Variants in SVIL observed in about 807,000 individuals in gnomAD.
SVIL encodes archvillin.
A neutral mutation model predicts 240.4 loss-of-function variants in SVIL; 101 were observed. The observed-to-expected ratio is 0.42, with a 90% confidence interval of 0.36 to 0.50. The LOEUF (loss-of-function observed/expected upper bound fraction) is 0.50, where lower values mean the gene tolerates loss of function less well. Ranked by LOEUF, SVIL falls within the 20% of genes least tolerant of loss-of-function variation. SVIL has a pLI of 0.01. For missense variants in SVIL, 2,512 were observed against 2,818.7 expected, an observed-to-expected ratio of 0.89 and a Z score of 2.46; for synonymous variants, 999 against 1,100.0, an observed-to-expected ratio of 0.91 and a Z score of 1.82.
At chr10:29,577,817 A>T (rs1191214031) in intron 1 of SVIL, among the ~76,000 whole-genome samples, 1 of 152,224 alleles carries the variant, frequency 6.6e-6, no homozygotes, top group Non-Finnish European at 1.5e-5. Flanking sequence ...AATCAATCCC[A>T]TTCATAATTG....
intron 2 of SVIL, among the ~76,000 whole-genome samples, chr10:29,678,086 C>T (rs376796982): frequency 1.8e-4 from 28 of 152,238 alleles, no homozygotes; most frequent in African/African-American, 6.7e-4. Flanking sequence ...GCCTTTTTGG[C>T]ACTGGGGACC....
chr10:29,466,961 T>C (rs1945002880), intron 33 of SVIL, among the ~76,000 whole-genome samples: 1 of 152,198 alleles, frequency 6.6e-6, no homozygotes, highest in African/African-American at 2.4e-5. Context: ...GGATACTCCA[T>C]TGCTGCCCAG....
intron 17 of SVIL, among the ~76,000 whole-genome samples, chr10:29,512,160 T>C (rs973738670): frequency 1.4e-4 from 21 of 152,232 alleles, no homozygotes; most frequent in Non-Finnish European, 2.9e-4. Context: ...CATCAATACT[T>C]TCGCATATGA....
chr10:29,457,417 C>CTGTT lies in SVIL; in HGVS notation c.*826_*829dup, dbSNP rs10634956. 0.27 allele frequency: 40,932 copies of CTGTT among 151,922 alleles called. 5,918 individuals are homozygous for CTGTT. The highest frequency in any genetic ancestry group is 0.54 in the East Asian group (2,751 of 5,134). 9.4% of individuals were successfully genotyped at this position (151,922 alleles called of 1,614,324 possible). A position where few individuals can be genotyped will look rare whatever the true frequency, so the allele number is the denominator to read the frequency against. ...CCTATATCACAAAATGACATGTGTA[C>CTGTT]TGTTTACAACCGGTATTAGAAATTG... On this transcript the variant is annotated 3_prime_UTR_variant, in exon 38 of 38. Coordinates refer to ENST00000355867, the MANE Select transcript of SVIL (RefSeq NM_021738.3).
upstream of SVIL, among the ~76,000 whole-genome samples, chr10:29,637,916 A>G (rs570684934): frequency 5.4e-4 from 82 of 152,200 alleles, 1 homozygote; most frequent in Non-Finnish European, 4.3e-4. Flanking sequence ...AGATGACAAC[A>G]TTATAGAAAT....
chr10:29,499,037 C>T, intron 18 of SVIL, 79 bp downstream of exon 18: 1 of 1,533,950 alleles, frequency 6.5e-7, no homozygotes, highest in South Asian at 1.2e-5. Flanking sequence ...TATCACGTAC[C>T]ACCATGCCCT....
chr10:29,532,444 A>T, intron 8 of SVIL, 85 bp downstream of exon 8: 1 of 1,506,168 alleles, frequency 6.6e-7, no homozygotes, highest in Non-Finnish European at 8.9e-7. Flanking sequence ...GATTCAATGC[A>T]GAACACAACA....
At chr10:29,511,433 C>T (rs1379971074) in intron 17 of SVIL, among the ~76,000 whole-genome samples, 9 of 144,708 alleles carry the variant, frequency 6.2e-5, no homozygotes, top group South Asian at 2.2e-4. Context: ...AGGGGCCAGG[C>T]GCTGCTTGGT....
intron 17 of SVIL, among the ~76,000 whole-genome samples, chr10:29,501,300 G>A (rs28607243): frequency 0.39 from 59,039 of 150,162 alleles, 11,937 homozygotes; most frequent in African/African-American, 0.41. Context: ...CCTCCTCTTG[G>A]CCACCATATT....
In SVIL at chr10:29,536,138, T is replaced by C. The variant is rs111406829; in HGVS notation, c.828-69A>G. On this transcript the variant is annotated intron_variant, in intron 6 of 37. Transcript: ENST00000355867. ...GTCAACATATACACAGACTTTACCATAACTTAAAACCTAAAGGCTGATTTT... is the reference window on the plus strand; with the variant it reads ...GTCAACATATACACAGACTTTACCACAACTTAAAACCTAAAGGCTGATTTT... 3.6e-4 allele frequency: 527 copies of C among 1,465,064 alleles called. 3 individuals are homozygous for C. In the African/African-American group the frequency reaches 6.0e-3, roughly 17 times the overall value. The allele number at this position is 1,465,064 out of a possible 1,614,324, so 90.8% of individuals were successfully genotyped here. A position where few individuals can be genotyped will look rare whatever the true frequency, so the allele number is the denominator to read the frequency against.
intron 18 of SVIL, 122 bp downstream of exon 18, chr10:29,498,994 A>T: frequency 7.1e-7 from 1 of 1,404,328 alleles, no homozygotes; most frequent in Non-Finnish European, 9.5e-7. Context: ...GAAAAAACTT[A>T]AAAAGACCAT....
At chr10:29,526,305 C>CTTTTTTTTTTTTTTTTTTTTTTTTTTTTT (rs36004446) in intron 13 of SVIL, among the ~76,000 whole-genome samples, 3 of 115,026 alleles carry the variant, frequency 2.6e-5, no homozygotes, top group Non-Finnish European at 5.2e-5. Context: ...TTTTCTCTTT[C>CTTTTTTTTTTTTTTTTTTTTTTTTTTTTT]TTTTTTTTTT....
Position 29,490,895 on chromosome 10 carries a change from T to G in SVIL, c.4144A>C (p.Arg1382=). 6.2e-7 allele frequency: 1 copy of G among 1,613,996 alleles called. No individual in the cohort carries two copies. Among genetic ancestry groups the G allele is most frequent in the Non-Finnish European group, 8.5e-7 (1 of 1,179,876 alleles). The change falls in exon 22 of 38, where the codon AGA becomes CGA. Residue 1382 remains arginine, a synonymous_variant. Transcript: ENST00000355867. ...EDLLQEYTEQ[R]LNVAFMESKR... is the part of the protein sequence containing the mutation. The stretch of plus-strand genomic sequence containing the variant: ...GACTCCATGAAGGCAACGTTTAATC[T>G]CTGCTCAGTGTATTCCTGAAGGAGA...
At chr10:29,611,599 C>T (rs1469329058) in intron 1 of SVIL, among the ~76,000 whole-genome samples, 2 of 152,058 alleles carry the variant, frequency 1.3e-5, no homozygotes, top group Non-Finnish European at 2.9e-5. Flanking sequence ...CAGGAGCAAA[C>T]CAATGCCAAA....
chr10:29,684,159 A>G (rs147768087), intron 2 of SVIL, among the ~76,000 whole-genome samples: 1 of 152,130 alleles, frequency 6.6e-6, no homozygotes, highest in East Asian at 1.9e-4. Flanking sequence ...AGTTTGACCA[A>G]CTCCAGTTCA....
intron 1 of SVIL, among the ~76,000 whole-genome samples, chr10:29,712,254 C>T (rs1266788699): frequency 2.0e-5 from 3 of 152,144 alleles, no homozygotes; most frequent in African/African-American, 7.2e-5. Flanking sequence ...ATGTTGGAGG[C>T]GGTGCCTAAT....
At chr10:29,598,080 G>C (rs11597209) in intron 1 of SVIL, among the ~76,000 whole-genome samples, 30,198 of 151,954 alleles carry the variant, frequency 0.2, 3,889 homozygotes, top group Non-Finnish European at 0.27. Context: ...TTCAAAGGAA[G>C]GAAATTCTGA....
upstream of SVIL, among the ~76,000 whole-genome samples, chr10:29,638,304 A>T (rs563106517): frequency 5.9e-5 from 9 of 152,094 alleles, no homozygotes; most frequent in Non-Finnish European, 1.2e-4. Flanking sequence ...TCTACTAAAA[A>T]TACAAAAATT....
Position 29,533,285 on chromosome 10 carries a change from C to T in SVIL, c.1082G>A (p.Arg361Gln), listed in dbSNP as rs746337114. 72 of 1,614,084 alleles carry T rather than the reference C, an allele frequency of 4.5e-5. No homozygotes were observed. The highest frequency in any genetic ancestry group is 2.4e-4 in the South Asian group (22 of 91,078). ...TTGGACATAGCCACGGATTGGCTGT[C>T]GTGTAGAGCCTGCTGCCTTGCTGGG... ...RVPSKAAGSTRQPIRGYVQPA... is the reference protein window; with the variant it reads ...RVPSKAAGSTQQPIRGYVQPA... Residue 361 changes from arginine (R) to glutamine (Q), a missense_variant, in exon 8 of 38, where the codon CGA (arginine) becomes CAA (glutamine). Physicochemically the swap from Arg to Gln is conservative, Grantham distance 43. Around this residue, in one of 3 missense-constraint regions of SVIL, gnomAD observed 1,443 missense variants for 1,486.6 expected, o/e 0.97. Coordinates refer to ENST00000355867, the MANE Select transcript of SVIL (RefSeq NM_021738.3).
Sources: gnomAD v4.1 joint callset for allele counts (sites outside exome capture counted in the v4.1 genomes callset) on GRCh38, gnomAD v4.1.1 for gene constraint, gnomAD v4.1.1 regional missense constraint, MANE v1.5 for transcripts, NCBI Gene and HGNC (gene_info 2026-07-23, HGNC 2026-07-21) for gene names.